Variants in MGA observed in about 807,000 individuals in gnomAD.
MGA encodes MAX dimerization protein MGA, also known as MAX gene-associated protein.
Under a neutral mutation model 261.1 loss-of-function variants are expected in MGA, and 40 were observed. The observed-to-expected ratio is 0.15, with a 90% CI of 0.12 to 0.20. MGA has a LOEUF of 0.20. MGA is among the 10% of genes least tolerant of loss of function. The pLI is 1.00. For missense variants in MGA, 3,397 were observed against 3,630.5 expected, an observed-to-expected ratio of 0.94 and a Z score of 1.65; for synonymous variants, 1,302 against 1,290.6, an observed-to-expected ratio of 1.01 and a Z score of -0.19.
In MGA at chr15:41,750,383, G is replaced by T; in HGVS notation, c.6776G>T (p.Arg2259Ile). ...TCAGCCTTCTCCATTGTTCCTAGGAGAGCTGCAAAAAGCAGCAGAGGGAAT... is the reference window on the plus strand; with the variant it reads ...TCAGCCTTCTCCATTGTTCCTAGGATAGCTGCAAAAAGCAGCAGAGGGAAT... The change falls in exon 17 of 24, where the codon AGA becomes ATA. Residue 2259 changes from arginine (R) to isoleucine (I), a missense_variant. Arg to Ile is a moderately conservative substitution (Grantham distance 97). Coordinates refer to ENST00000219905, the MANE Select transcript of MGA (RefSeq NM_001164273.2). 1.9e-6 allele frequency: 3 copies of T among 1,613,958 alleles called. No homozygotes were observed. The highest frequency in any genetic ancestry group is 2.5e-6 in the Non-Finnish European group (3 of 1,179,878).
At position 41,742,751 on chromosome 15, in the gene MGA, C is replaced by G; in HGVS notation, c.4791C>G (p.Val1597=). ...TGTGCAGCCCTGTGACTGCTGCTGTCACTACTACCACCCCTCAAGTGTTTT... is the reference window on the plus strand; with the variant it reads ...TGTGCAGCCCTGTGACTGCTGCTGTGACTACTACCACCCCTCAAGTGTTTT... Residue 1597 remains valine (V), a synonymous_variant, in exon 15 of 24, where the codon GTC becomes GTG. Transcript: ENST00000219905. 6.2e-7 allele frequency: 1 copy of G among 1,613,954 alleles called. No individual in the cohort carries two copies. The highest frequency in any genetic ancestry group is 8.5e-7 in the Non-Finnish European group (1 of 1,179,860).
At chr15:41,760,048 A>C (rs1567101278) in intron 19 of MGA, 1 of 385,230 alleles carries the variant, frequency 2.6e-6, no homozygotes, top group East Asian at 4.5e-5. Context: ...GTACGCCTGT[A>C]ACATATACAA....
intron 1 of MGA, among the ~76,000 whole-genome samples, chr15:41,643,076 T>A (rs2056857212): frequency 6.6e-6 from 1 of 151,324 alleles, no homozygotes. Flanking sequence ...CTAATTATTT[T>A]TTATTTTTTT....
At chr15:41,718,072 T>G (rs565589137) in intron 9 of MGA, among the ~76,000 whole-genome samples, 94 of 151,642 alleles carry the variant, frequency 6.2e-4, no homozygotes, top group African/African-American at 2.2e-3. Flanking sequence ...TTGTAATTAG[T>G]AAATATGTCC....
intron 9 of MGA, chr15:41,718,469 TTG>T (rs1231873881): frequency 1.3e-6 from 1 of 780,386 alleles, no homozygotes; most frequent in Non-Finnish European, 2.2e-6. Flanking sequence ...TTCGTACAAT[TTG>T]TGAGTCCACA....
In MGA at chr15:41,660,510, G is replaced by C. The variant is rs1313193768; in HGVS notation, c.-83G>C. On this transcript the variant is annotated 5_prime_UTR_variant, in exon 1 of 24. Coordinates refer to ENST00000219905, the MANE Select transcript of MGA (RefSeq NM_001164273.2). ...GATGTGAAGGACTCCGGGTGAGGCCGGCCACGCCCCGCACGGTAACTCTCG... is the reference window on the plus strand; with the variant it reads ...GATGTGAAGGACTCCGGGTGAGGCCCGCCACGCCCCGCACGGTAACTCTCG... 6.5e-6 allele frequency: 1 copy of C among 153,018 alleles called. No homozygotes were observed. Among genetic ancestry groups the C allele is most frequent in the Admixed American group, 6.5e-5 (1 of 15,294 alleles). 9.5% of individuals were successfully genotyped at this position (153,018 alleles called of 1,614,324 possible).
chr15:41,746,600 T>C lies in MGA; in HGVS notation c.5213-2037T>C, dbSNP rs544440752. ...GAATATTTTTTGTTTAAATTGCACA[T>C]GATTATTTTCATGAACAGTTTGGTT... On this transcript the variant is annotated intron_variant, in intron 15 of 23. Transcript: ENST00000219905. Among the ~76,000 whole-genome samples the C allele has an allele frequency of 7.8e-4, 116 of 149,524 alleles. No individual in the cohort carries two copies. The South Asian group carries it at 0.012, about 15-fold the overall frequency.
At chr15:41,642,948 C>T (rs1431689134) in intron 1 of MGA, among the ~76,000 whole-genome samples, 1 of 133,664 alleles carries the variant, frequency 7.5e-6, no homozygotes, top group Non-Finnish European at 1.6e-5. Flanking sequence ...GGTCTTTGCT[C>T]TGTTGCCCAG....
At chr15:41,660,978 C>G (rs2057365991) in intron 1 of MGA, among the ~76,000 whole-genome samples, 1 of 152,224 alleles carries the variant, frequency 6.6e-6, no homozygotes, top group Non-Finnish European at 1.5e-5. Context: ...TCTAGAACTC[C>G]AAGGGAAACG....
chr15:41,651,805 CT>C (rs1413121724), intron 1 of MGA, among the ~76,000 whole-genome samples: 9 of 5,932 alleles, frequency 1.5e-3, no homozygotes, highest in South Asian at 0.023. Context: ...TCTCCCCCCC[CT>C]CTTCCTTTCC....
At position 41,711,076 on chromosome 15, in the gene MGA, G is replaced by C; in HGVS notation, c.2811G>C (p.Lys937Asn). The C allele has an allele frequency of 6.2e-7, 1 of 1,614,024 alleles. No homozygotes were observed. The highest frequency in any genetic ancestry group is 1.1e-5 in the South Asian group (1 of 91,086). The change falls in exon 8 of 24, where the codon AAG becomes AAC. Residue 937 changes from lysine (K) to asparagine (N), a missense_variant. By Grantham distance (94) the Lys-to-Asn change is moderately conservative. Coordinates refer to ENST00000219905, the MANE Select transcript of MGA (RefSeq NM_001164273.2). ...ACTCTCATGTGATTCTAGGAGATAA[G>C]GTTACCAAGAATTCTTCAGGCATCA...
intron 2 of MGA, among the ~76,000 whole-genome samples, chr15:41,677,149 T>A (rs1400985691): frequency 6.6e-6 from 1 of 152,124 alleles, no homozygotes; most frequent in Non-Finnish European, 1.5e-5. Context: ...TACGAATTCT[T>A]TTTTTTTGGA....
rs2063959630 is a variant in MGA, at chr15:41,769,869, A to G, written c.*2589A>G. 1 of 152,586 alleles carries G rather than the reference A, an allele frequency of 6.6e-6. No homozygotes were observed. Among genetic ancestry groups the G allele is most frequent in the Non-Finnish European group, 1.5e-5 (1 of 68,036 alleles). 9.5% of individuals were successfully genotyped at this position (152,586 alleles called of 1,614,324 possible). On this transcript the variant is annotated 3_prime_UTR_variant, in exon 24 of 24. Coordinates refer to ENST00000219905, the MANE Select transcript of MGA (RefSeq NM_001164273.2). ...AAAGTGACTATTTTTTTAGAAATCTAAGAACAGAAGTTTGGTGATTGAAAG... is the reference window on the plus strand; with the variant it reads ...AAAGTGACTATTTTTTTAGAAATCTGAGAACAGAAGTTTGGTGATTGAAAG...
chr15:41,646,714 C>T (rs916192303), intron 1 of MGA, among the ~76,000 whole-genome samples: 4 of 151,744 alleles, frequency 2.6e-5, no homozygotes, highest in African/African-American at 7.3e-5. Flanking sequence ...TGTCACCCCC[C>T]GCCCCCTGGA....
rs181941177 is a variant in MGA, at chr15:41,742,820, C to T, written c.4860C>T (p.Asp1620=). Residue 1620 remains aspartate (D), a synonymous_variant, in exon 15 of 24, where the codon GAC becomes GAT. Transcript: ENST00000219905. ...TGACACCTATGACTGCTATTTCTGA[C>T]GTGGAAACTAAAGAAACTACTTATT... 35 of 1,613,912 alleles carry T rather than the reference C, an allele frequency of 2.2e-5. No homozygotes were observed. The highest frequency in any genetic ancestry group is 1.1e-4 in the East Asian group (5 of 44,892).
chr15:41,749,917 G>A lies in MGA; in HGVS notation c.6310G>A (p.Val2104Ile), dbSNP rs759712861. Residue 2104 changes from valine (V) to isoleucine (I), a missense_variant, in exon 17 of 24, where the codon GTA becomes ATA. By Grantham distance (29) the Val-to-Ile change is conservative. Transcript: ENST00000219905. ...TAAGACAGTCCAAAATTTAAGTAAA[G>A]TACAGCATCAAAAACTTGGTGATGT... 1.9e-6 allele frequency: 3 copies of A among 1,613,928 alleles called. No individual in the cohort carries two copies. The highest frequency in any genetic ancestry group is 1.1e-5 in the South Asian group (1 of 91,080).
intron 2 of MGA, among the ~76,000 whole-genome samples, chr15:41,670,359 A>G (rs1055443924): frequency 6.6e-6 from 1 of 152,196 alleles, no homozygotes; most frequent in East Asian, 1.9e-4. Flanking sequence ...TAAGTGAAAT[A>G]GGCAAAACAA....
chr15:41,706,146 A>G (rs1296013177), intron 5 of MGA, among the ~76,000 whole-genome samples: 1 of 151,886 alleles, frequency 6.6e-6, no homozygotes, highest in Admixed American at 6.6e-5. Flanking sequence ...CTGAGGCAGG[A>G]GAATCGTTTG....
chr15:41,736,217 C>T lies in MGA; in HGVS notation c.3953C>T (p.Ser1318Phe), dbSNP rs781411253. 3.8e-6 allele frequency: 6 copies of T among 1,597,184 alleles called. No homozygotes were observed. Among genetic ancestry groups the T allele is most frequent in the Non-Finnish European group, 4.3e-6 (5 of 1,171,412 alleles). Residue 1318 changes from serine (S) to phenylalanine (F), a missense_variant, in exon 13 of 24, where the codon TCC becomes TTC. This residue lies in a region of MGA where 1,410 missense variants were observed against 1,386.4 expected (regional missense o/e 1.02). Transcript: ENST00000219905. ...AAGTCTTCCTGCAATGAAGGAGAAT[C>T]CTCTTCTACTTCTTATATGCATCAG...
Sources: allele counts gnomAD v4.1 joint callset (sites outside exome capture counted in the v4.1 genomes callset), GRCh38; gene constraint gnomAD v4.1.1; regional missense constraint gnomAD v4.1.1; transcripts MANE v1.5; gene names NCBI Gene and HGNC (gene_info 2026-07-23, HGNC 2026-07-21).